RASGRF2: variants seen among roughly 807,000 people sequenced by gnomAD.
RASGRF2 encodes the protein Ras protein specific guanine nucleotide releasing factor 2.
RASGRF2 carries 76 observed loss-of-function variants against 151.0 expected under a neutral mutation model. The observed-to-expected ratio is 0.50, with a 90% CI of 0.42 to 0.61. The LOEUF (loss-of-function observed/expected upper bound fraction) is 0.61. RASGRF2 is among the 20% of genes least tolerant of loss of function. RASGRF2 has a pLI of 0.00. For missense variants in RASGRF2, 1,148 were observed against 1,564.6 expected (o/e 0.73, Z 4.49); for synonymous variants, 504 against 566.5 (o/e 0.89, Z 1.57).
chr5:81,058,000 A>ATAATTAAT (rs533833649), intron 2 of RASGRF2, among the ~76,000 whole-genome samples: 1 of 151,966 alleles, frequency 6.6e-6, no homozygotes, highest in African/African-American at 2.4e-5. Context: ...TGCCTCAAAA[A>ATAATTAAT]TAATTAATTA....
At chr5:81,038,202 G>A (rs1750564999) in intron 1 of RASGRF2, among the ~76,000 whole-genome samples, 1 of 152,090 alleles carries the variant, frequency 6.6e-6, no homozygotes, top group African/African-American at 2.4e-5. Context: ...ATATGTGATT[G>A]TTTCTTTATG....
At chr5:81,076,611 G>A (rs1289204531) in intron 5 of RASGRF2, among the ~76,000 whole-genome samples, 1 of 149,782 alleles carries the variant, frequency 6.7e-6, no homozygotes, top group Non-Finnish European at 1.5e-5. Context: ...TGTCGGAGTT[G>A]GAGAAGAGAG....
intron 18 of RASGRF2, among the ~76,000 whole-genome samples, chr5:81,187,471 G>C (rs1755050506): frequency 6.6e-6 from 1 of 152,214 alleles, no homozygotes. Flanking sequence ...ACCCGACCGG[G>C]TGGTCTCCAC....
intron 1 of RASGRF2, among the ~76,000 whole-genome samples, chr5:81,011,937 C>G (rs1749476083): frequency 6.6e-6 from 1 of 152,050 alleles, no homozygotes; most frequent in Non-Finnish European, 1.5e-5. Context: ...CAAAATTGCT[C>G]AAAATCTTGC....
At chr5:81,167,977 T>A (rs1281782537) in intron 17 of RASGRF2, among the ~76,000 whole-genome samples, 1 of 151,918 alleles carries the variant, frequency 6.6e-6, no homozygotes, top group African/African-American at 2.4e-5. Flanking sequence ...CGCCTTCCCC[T>A]CTTCTCAGAT....
At chr5:81,024,985 C>T (rs1479319175) in intron 1 of RASGRF2, among the ~76,000 whole-genome samples, 1 of 152,200 alleles carries the variant, frequency 6.6e-6, no homozygotes, top group Non-Finnish European at 1.5e-5. Context: ...CAAGTTGGGA[C>T]CCATCCAGCA....
At chr5:81,057,867 G>A (rs1359162324) in intron 2 of RASGRF2, among the ~76,000 whole-genome samples, 1 of 152,002 alleles carries the variant, frequency 6.6e-6, no homozygotes, top group Non-Finnish European at 1.5e-5. Context: ...CTGGTGGTAT[G>A]CACCTGTAGT....
chr5:80,969,123 CTTT>C (rs551407326), intron 1 of RASGRF2, among the ~76,000 whole-genome samples: 31,342 of 92,802 alleles, frequency 0.34, 4,528 homozygotes, highest in Middle Eastern at 0.45. Flanking sequence ...GTGCAGGACT[CTTT>C]TTTTTTTTTT....
chr5:80,970,700 G>A (rs10214109), intron 1 of RASGRF2, among the ~76,000 whole-genome samples: 40,173 of 152,040 alleles, frequency 0.26, 5,643 homozygotes, highest in Middle Eastern at 0.38. Flanking sequence ...AAATTTGGGG[G>A]CCAGACAAAA....
intron 1 of RASGRF2, among the ~76,000 whole-genome samples, chr5:81,034,877 G>A (rs1750424238): frequency 6.6e-6 from 1 of 151,292 alleles, no homozygotes; most frequent in African/African-American, 2.4e-5. Flanking sequence ...CAGTGCACCA[G>A]CATGGCACAT....
intron 2 of RASGRF2, 87 bp downstream of exon 2, chr5:81,043,070 T>TG (rs1750728693): frequency 5.0e-6 from 5 of 996,244 alleles, no homozygotes; most frequent in South Asian, 4.8e-5. Flanking sequence ...TGGAAGAACT[T>TG]GCAACTCTAA....
chr5:80,968,728 G>T (rs962829217), intron 1 of RASGRF2, among the ~76,000 whole-genome samples: 8 of 152,116 alleles, frequency 5.3e-5, no homozygotes, highest in Non-Finnish European at 8.8e-5. Flanking sequence ...CTGTCACCTG[G>T]GCTGGAGTGA....
At chr5:81,065,430 C>T (rs913021883) in intron 2 of RASGRF2, among the ~76,000 whole-genome samples, 1 of 152,154 alleles carries the variant, frequency 6.6e-6, no homozygotes, top group Non-Finnish European at 1.5e-5. Context: ...GCTCTGTTCT[C>T]AGAGTCCAGC....
At chr5:81,063,508 G>A (rs1251172994) in intron 2 of RASGRF2, among the ~76,000 whole-genome samples, 1 of 152,058 alleles carries the variant, frequency 6.6e-6, no homozygotes, top group African/African-American at 2.4e-5. Context: ...CAAAGTGCTA[G>A]GATTACAGGT....
intron 26 of RASGRF2, among the ~76,000 whole-genome samples, chr5:81,221,948 G>A (rs567682622): frequency 6.6e-6 from 1 of 152,288 alleles, no homozygotes; most frequent in East Asian, 1.9e-4. Context: ...TTGCACTCCA[G>A]CCTATGCACT....
At chr5:81,151,905 G>A (rs967466256) in intron 17 of RASGRF2, among the ~76,000 whole-genome samples, 1 of 152,152 alleles carries the variant, frequency 6.6e-6, no homozygotes, top group Non-Finnish European at 1.5e-5. Context: ...TAGACACAAT[G>A]ATTATAATGC....
At chr5:81,043,329 CCT>C (rs1425563208) in intron 2 of RASGRF2, among the ~76,000 whole-genome samples, 2 of 152,138 alleles carry the variant, frequency 1.3e-5, no homozygotes, top group African/African-American at 2.4e-5. Flanking sequence ...TATAATTCCC[CCT>C]GTCTGCAGAT....
intron 2 of RASGRF2, among the ~76,000 whole-genome samples, chr5:81,045,667 C>CTTTGTT (rs369893131): frequency 0.36 from 55,113 of 151,728 alleles, 10,240 homozygotes; most frequent in Middle Eastern, 0.6. Context: ...TGACTTGAGA[C>CTTTGTT]CTAGGACTGG....
In RASGRF2 at chr5:81,201,324, T is replaced by C. The variant is rs545345341; in HGVS notation, c.2794-6T>C. ...AAAATTTAAAAAGATTCATTTTATT[T>C]TACAGGATTTCGAACTCAACAATGA... On this transcript the variant is annotated splice_region_variant and splice_polypyrimidine_tract_variant and intron_variant, in intron 18 of 26. Coordinates refer to ENST00000265080, the MANE Select transcript of RASGRF2 (RefSeq NM_006909.3). The C allele has an allele frequency of 1.2e-6, 2 of 1,606,354 alleles. No homozygotes were observed. The highest frequency in any genetic ancestry group is 2.7e-5 in the African/African-American group (2 of 74,320).
Sources: allele counts gnomAD v4.1 joint callset (sites outside exome capture counted in the v4.1 genomes callset), GRCh38; gene constraint gnomAD v4.1.1; transcripts MANE v1.5; gene names NCBI Gene and HGNC (gene_info 2026-07-23, HGNC 2026-07-21).